The following FAM13A variants were observed in gnomAD, a reference collection of about 807,000 sequenced individuals.
FAM13A encodes the protein protein FAM13A.
A neutral mutation model predicts 129.6 loss-of-function variants in FAM13A; 76 were observed. The ratio of observed to expected loss-of-function variants is 0.59; its 90% CI spans 0.49 to 0.71. The LOEUF is 0.71. FAM13A is among the 30% of genes least tolerant of loss of function. The pLI is 0.00. For synonymous variants in FAM13A, 443 were observed against 449.9 expected, an observed-to-expected ratio of 0.98 and a Z score of 0.20; for missense variants, 1,108 against 1,249.3, an observed-to-expected ratio of 0.89 and a Z score of 1.70.
chr4:89,046,552 A>G (rs957169853), intron 1 of FAM13A, among the ~76,000 whole-genome samples: 3 of 152,200 alleles, frequency 2.0e-5, no homozygotes, highest in African/African-American at 7.2e-5. Context: ...GAAATTTTTT[A>G]AAAAAAGAAA....
intron 11 of FAM13A, among the ~76,000 whole-genome samples, chr4:88,771,859 G>T (rs1262677030): frequency 2.0e-5 from 3 of 152,060 alleles, no homozygotes; most frequent in Non-Finnish European, 4.4e-5. Flanking sequence ...GGTGTCAGAG[G>T]AACTAAATTT....
intron 4 of FAM13A, among the ~76,000 whole-genome samples, chr4:88,959,255 G>T (rs1758248097): frequency 6.6e-6 from 1 of 152,184 alleles, no homozygotes. Flanking sequence ...AGATTTGGGA[G>T]GGGCCGGGGC....
intron 4 of FAM13A, among the ~76,000 whole-genome samples, chr4:88,957,742 T>C (rs1288802824): frequency 6.6e-6 from 1 of 152,172 alleles, no homozygotes; most frequent in Non-Finnish European, 1.5e-5. Flanking sequence ...AATATGGACG[T>C]TGAAGGTCAG....
rs1772292791 is a variant in FAM13A at position 89,057,140 on chromosome 4, T to A, written c.-176A>T. The A allele has an allele frequency of 6.9e-7, 1 of 1,439,062 alleles. No individual in the cohort carries two copies. The highest frequency in any genetic ancestry group is 9.1e-7 in the Non-Finnish European group (1 of 1,097,846). 89.1% of individuals were successfully genotyped at this position (1,439,062 alleles called of 1,614,324 possible). On this transcript the variant is annotated 5_prime_UTR_variant, in exon 1 of 24. It adds an upstream start codon to the 5' untranslated region. Coordinates refer to ENST00000264344, the MANE Select transcript of FAM13A (RefSeq NM_014883.4). ...AACATTTTAGGAAGAGTGGTTTTGC[T>A]TCTCTTTCCGCTGAACCCACATGGC... is the stretch of plus-strand genomic sequence containing the variant.
chr4:89,031,884 C>T (rs113320159), intron 1 of FAM13A, among the ~76,000 whole-genome samples: 1 of 151,954 alleles, frequency 6.6e-6, no homozygotes, highest in African/African-American at 2.4e-5. Context: ...CCTAGAAATT[C>T]ACGAGGTTTT....
chr4:88,781,849 GGGA>G (rs1722954003), intron 10 of FAM13A, among the ~76,000 whole-genome samples: 2 of 149,568 alleles, frequency 1.3e-5, no homozygotes, highest in East Asian at 1.9e-4. Context: ...GTGGGGTGGG[GGGA>G]GCGGGGAGGG....
intron 6 of FAM13A, among the ~76,000 whole-genome samples, chr4:88,866,032 C>A (rs1451649843): frequency 6.6e-6 from 1 of 151,488 alleles, no homozygotes; most frequent in African/African-American, 2.4e-5. Flanking sequence ...CCACCATGTT[C>A]CACTAATTTT....
chr4:88,771,290 G>T (rs1720635286), intron 11 of FAM13A, among the ~76,000 whole-genome samples: 1 of 151,940 alleles, frequency 6.6e-6, no homozygotes, highest in Non-Finnish European at 1.5e-5. Context: ...AGGGAGGAAT[G>T]ATTAAGATAA....
chr4:88,863,130 G>A (rs1236823868), intron 6 of FAM13A, among the ~76,000 whole-genome samples: 3 of 152,178 alleles, frequency 2.0e-5, no homozygotes, highest in African/African-American at 7.2e-5. Context: ...AACTGCTAGA[G>A]AGCTTCAGGA....
chr4:88,875,213 T>C (rs1407122330), intron 6 of FAM13A, among the ~76,000 whole-genome samples: 1 of 152,142 alleles, frequency 6.6e-6, no homozygotes, highest in Non-Finnish European at 1.5e-5. Flanking sequence ...GGCAATACCA[T>C]TCAGGACATA....
intron 13 of FAM13A, among the ~76,000 whole-genome samples, chr4:88,765,884 G>A (rs143221330): frequency 1.6e-4 from 25 of 152,278 alleles, no homozygotes; most frequent in African/African-American, 5.3e-4. Flanking sequence ...CACTGGGCAC[G>A]ATTGGTGGCT....
intron 1 of FAM13A, among the ~76,000 whole-genome samples, chr4:89,052,254 CTTTTTTTTTTTTCT>C (rs1342474705): frequency 1.8e-5 from 2 of 108,426 alleles, no homozygotes; most frequent in African/African-American, 7.1e-5. Flanking sequence ...GCAGCGCTTT[CTTTTTTTTTTTTCT>C]TTTTTCTTTT....
chr4:88,771,904 C>T (rs1720751972), intron 11 of FAM13A, among the ~76,000 whole-genome samples: 1 of 152,082 alleles, frequency 6.6e-6, no homozygotes, highest in South Asian at 2.1e-4. Context: ...AAGATAAACT[C>T]AAGTCTAAAA....
intron 11 of FAM13A, among the ~76,000 whole-genome samples, chr4:88,779,938 T>G (rs1260956496): frequency 6.6e-6 from 1 of 152,128 alleles, no homozygotes; most frequent in African/African-American, 2.4e-5. Context: ...AGATAGCTCT[T>G]TGGCAGATCA....
intron 6 of FAM13A, among the ~76,000 whole-genome samples, chr4:88,871,648 A>G (rs954834837): frequency 2.0e-5 from 3 of 152,236 alleles, no homozygotes; most frequent in Non-Finnish European, 4.4e-5. Context: ...AGACTATGTG[A>G]AAAGACCAAA....
intron 5 of FAM13A, among the ~76,000 whole-genome samples, chr4:88,908,406 G>C (rs556154965): frequency 1.6e-4 from 24 of 152,304 alleles, no homozygotes; most frequent in Admixed American, 3.9e-4. Flanking sequence ...ATGATGAAAA[G>C]AAACAAGGCT....
At position 88,739,013 on chromosome 4, in the gene FAM13A, G is replaced by A. The variant is rs1220702387; in HGVS notation, c.2562+17C>T. Reference sequence around the variant, plus strand: ...CGGAAAGGTGTTGTACCAGCCACGGGAAGGTATTCTACTCACAATGATGGG... The same window carrying A: ...CGGAAAGGTGTTGTACCAGCCACGGAAAGGTATTCTACTCACAATGATGGG... On this transcript the variant is annotated intron_variant, in intron 20 of 23. Transcript: ENST00000264344. 6.5e-7 allele frequency: 1 copy of A among 1,544,710 alleles called. No homozygotes were observed.
At chr4:88,774,307 TTATC>T (rs1721265813) in intron 11 of FAM13A, among the ~76,000 whole-genome samples, 1 of 152,226 alleles carries the variant, frequency 6.6e-6, no homozygotes, top group Non-Finnish European at 1.5e-5. Context: ...TATTTCTTTC[TTATC>T]TATCTCATTT....
chr4:88,882,916 G>A (rs1220731566), intron 6 of FAM13A, among the ~76,000 whole-genome samples: 1 of 152,052 alleles, frequency 6.6e-6, no homozygotes, highest in African/African-American at 2.4e-5. Context: ...AAAAAAGACA[G>A]AGGGACATTA....
Sources: allele counts gnomAD v4.1 joint callset (sites outside exome capture counted in the v4.1 genomes callset), GRCh38; gene constraint gnomAD v4.1.1; transcripts MANE v1.5; gene names NCBI Gene and HGNC (gene_info 2026-07-23, HGNC 2026-07-21).